Variants in FBLN2 observed in about 807,000 individuals in gnomAD.
FBLN2 encodes the protein fibulin-2.
In FBLN2, 81 loss-of-function variants were observed where a neutral mutation model predicts 123.7. That is an observed-to-expected ratio of 0.65 (90% CI 0.55 to 0.79). The LOEUF is 0.79. Ranked by LOEUF, FBLN2 falls within the 30% of genes least tolerant of loss-of-function variation. The pLI, the probability that FBLN2 is intolerant of heterozygous loss-of-function variation, is 0.00. For synonymous variants in FBLN2, 699 were observed against 701.4 expected (o/e 1.00, Z 0.05); for missense variants, 1,603 against 1,681.3 (o/e 0.95, Z 0.81).
At chr3:13,592,343 C>T (rs1373890137) in intron 2 of FBLN2, among the ~76,000 whole-genome samples, 22 of 152,136 alleles carry the variant, frequency 1.4e-4, no homozygotes, top group African/African-American at 4.8e-4. Context: ...TCTGGCCTCT[C>T]TTTTCTGTTC....
intron 2 of FBLN2, among the ~76,000 whole-genome samples, chr3:13,597,401 C>T (rs1026599301): frequency 2.6e-5 from 4 of 152,172 alleles, no homozygotes; most frequent in Admixed American, 6.5e-5. Flanking sequence ...CAGTTACCAC[C>T]GTCCTGATGG....
intron 17 of FBLN2, 43 bp from the exon 18 acceptor site, chr3:13,637,519 G>T (rs1421917991): frequency 4.6e-6 from 7 of 1,520,928 alleles, no homozygotes; most frequent in East Asian, 2.4e-5. Flanking sequence ...GGGGATGAGG[G>T]GGGTGGGCGA....
intron 9 of FBLN2, among the ~76,000 whole-genome samples, chr3:13,624,080 G>A (rs902168043): frequency 3.9e-5 from 6 of 152,114 alleles, no homozygotes; most frequent in African/African-American, 1.5e-4. Flanking sequence ...GCTGCAAGAT[G>A]TGAGGGAGGC....
chr3:13,632,814 G>C (rs555348293), intron 16 of FBLN2, among the ~76,000 whole-genome samples: 11 of 152,206 alleles, frequency 7.2e-5, no homozygotes, highest in Admixed American at 1.3e-4. Context: ...CTTAGGTCTT[G>C]CTGGCTGCAA....
chr3:13,587,998 GGTC>G (rs1704561755), intron 2 of FBLN2, among the ~76,000 whole-genome samples: 1 of 152,222 alleles, frequency 6.6e-6, no homozygotes, highest in African/African-American at 2.4e-5. Context: ...GGGCACAAGT[GGTC>G]AGGACTTCCT....
rs951002932 is a variant in FBLN2 at position 13,570,808 on chromosome 3, T to C, written c.453T>C (p.Thr151=). ...GCCACAAGTACGCCGCTGGCCACAC[T>C]GTTCACCTGCCGCCCTGCCGGGCCT... The part of the protein sequence containing the change: ...HAGHKYAAGH[T]VHLPPCRACH... Residue 151 remains threonine (T), a synonymous_variant, in exon 2 of 18, where the codon ACT becomes ACC. Transcript: ENST00000404922. 5 of 1,596,456 alleles carry C rather than the reference T, an allele frequency of 3.1e-6. No homozygotes were observed. The South Asian group carries it at 3.4e-5, about 11-fold the overall frequency.
rs760586170 is a variant in FBLN2 at position 13,619,776 on chromosome 3, C to A, written c.2100C>A (p.Ala700=). The A allele has an allele frequency of 2.5e-6, 4 of 1,613,232 alleles. No individual in the cohort carries two copies. Among genetic ancestry groups the A allele is most frequent in the East Asian group, 4.5e-5 (2 of 44,826 alleles). The part of the protein sequence containing the change: ...KQVCSTVGGS[A]ICSCFPGYAI... ...TGTGCAGCACTGTTGGGGGCTCAGC[C>A]ATATGCTCCTGTTTTCCCGGCTATG... is the stretch of plus-strand genomic sequence containing the variant. Residue 700 remains alanine, a synonymous_variant, in exon 8 of 18, where the codon GCC becomes GCA. Transcript: ENST00000404922.
rs1053387168 is a variant in FBLN2, at chr3:13,599,819, G to A, written c.1307-8243G>A. Among the ~76,000 whole-genome samples the A allele has an allele frequency of 4.3e-4, 65 of 151,836 alleles. 1 individual carries two copies. Among genetic ancestry groups the A allele is most frequent in the Admixed American group, 4.1e-3 (63 of 15,238 alleles). On this transcript the variant is annotated intron_variant, in intron 2 of 17. Transcript: ENST00000404922. ...CGGAGCTGAGCAAATTCCAGCTGGG[G>A]AAGTGCCAGGGAGACATCTGGGGTG...
intron 1 of FBLN2, among the ~76,000 whole-genome samples, chr3:13,557,012 A>G (rs1703481770): frequency 6.6e-6 from 1 of 152,238 alleles, no homozygotes; most frequent in Non-Finnish European, 1.5e-5. Context: ...GGCCCGCCAC[A>G]TGGCAGGAAA....
chr3:13,607,473 T>C (rs907021272), intron 2 of FBLN2, among the ~76,000 whole-genome samples: 6 of 151,952 alleles, frequency 3.9e-5, no homozygotes, highest in African/African-American at 1.5e-4. Flanking sequence ...GTCTTAGGGG[T>C]TGCAGAGGTG....
At chr3:13,569,961 TG>T (rs1180328785) in intron 1 of FBLN2, among the ~76,000 whole-genome samples, 1 of 151,636 alleles carries the variant, frequency 6.6e-6, no homozygotes. Flanking sequence ...TGTGACCGAG[TG>T]GGTGTGGGGC....
At chr3:13,634,128 C>G (rs1706367078) in intron 16 of FBLN2, among the ~76,000 whole-genome samples, 1 of 152,228 alleles carries the variant, frequency 6.6e-6, no homozygotes, top group African/African-American at 2.4e-5. Context: ...TTCTGGGCCT[C>G]AAGTCCTTCA....
intron 1 of FBLN2, among the ~76,000 whole-genome samples, chr3:13,557,319 T>C (rs1703489671): frequency 6.6e-6 from 1 of 152,244 alleles, no homozygotes; most frequent in African/African-American, 2.4e-5. Flanking sequence ...ATTTTGGGGT[T>C]AAGTCAGCCA....
chr3:13,583,716 G>A (rs897685927), intron 2 of FBLN2, among the ~76,000 whole-genome samples: 5 of 152,250 alleles, frequency 3.3e-5, no homozygotes, highest in East Asian at 1.9e-4. Flanking sequence ...ACATAAGGAC[G>A]TTTTGGTCAG....
At chr3:13,577,253 G>A (rs1428369756) in intron 2 of FBLN2, among the ~76,000 whole-genome samples, 2 of 151,730 alleles carry the variant, frequency 1.3e-5, no homozygotes, top group Non-Finnish European at 2.9e-5. Flanking sequence ...CACAGTGAGA[G>A]GAAGGGTGGA....
At chr3:13,593,434 G>A (rs1704738126) in intron 2 of FBLN2, among the ~76,000 whole-genome samples, 1 of 152,120 alleles carries the variant, frequency 6.6e-6, no homozygotes, top group Admixed American at 6.5e-5. Flanking sequence ...GAAGGTAATT[G>A]GCTGGGCGCA....
chr3:13,630,786 A>C lies in FBLN2; in HGVS notation c.3056A>C (p.Gln1019Pro). ...CAGTGCTACTGCCGCCAGGGCTACC[A>C]GCTGGCTGAGGATGGGCACACCTGC... ...SYQCYCRQGY[Q>P]LAEDGHTCTD... Residue 1019 changes from glutamine to proline, a missense_variant, in exon 15 of 18, where the codon CAG (glutamine) becomes CCG (proline). Transcript: ENST00000404922. 2 of 1,607,688 alleles carry C rather than the reference A, an allele frequency of 1.2e-6. No homozygotes were observed. Among genetic ancestry groups the C allele is most frequent in the Non-Finnish European group, 1.7e-6 (2 of 1,177,308 alleles).
At chr3:13,558,040 C>T (rs1411116779) in intron 1 of FBLN2, among the ~76,000 whole-genome samples, 1 of 152,196 alleles carries the variant, frequency 6.6e-6, no homozygotes, top group East Asian at 1.9e-4. Flanking sequence ...CTGGCCGCCT[C>T]ACTGGCAGCC....
At chr3:13,636,989 A>C (rs867848842) in intron 17 of FBLN2, among the ~76,000 whole-genome samples, 25 of 152,306 alleles carry the variant, frequency 1.6e-4, no homozygotes, top group African/African-American at 5.8e-4. Context: ...GCCACTGCTC[A>C]TGGGGCTCTG....
Sources: gnomAD v4.1 joint callset for allele counts (sites outside exome capture counted in the v4.1 genomes callset) on GRCh38, gnomAD v4.1.1 for gene constraint, MANE v1.5 for transcripts, NCBI Gene and HGNC (gene_info 2026-07-23, HGNC 2026-07-21) for gene names.